PCDH7: variants seen among roughly 807,000 people sequenced by gnomAD.
The protein encoded by PCDH7 is protocadherin-7.
A neutral mutation model predicts 58.9 loss-of-function variants in PCDH7; 17 were observed. The observed-to-expected ratio is 0.29, with a 90% CI of 0.20 to 0.43. The LOEUF is 0.43. PCDH7 is among the 20% of genes least tolerant of loss of function. The pLI, the probability that PCDH7 is intolerant of heterozygous loss-of-function variation, is 1.00. For missense variants in PCDH7, 1,274 were observed against 1,441.0 expected (o/e 0.88, Z 1.88); for synonymous variants, 664 against 616.4 (o/e 1.08, Z -1.14).
At chr4:31,029,722 G>A (rs905718100) in intron 3 of PCDH7, among the ~76,000 whole-genome samples, 1 of 152,144 alleles carries the variant, frequency 6.6e-6, no homozygotes, top group African/African-American at 2.4e-5. Context: ...ACCAGATGAA[G>A]AATCCGGGCA....
chr4:30,898,155 G>GA (rs1429604077), intron 1 of PCDH7, among the ~76,000 whole-genome samples: 1 of 152,160 alleles, frequency 6.6e-6, no homozygotes, highest in Non-Finnish European at 1.5e-5. Flanking sequence ...GCCTCAGGGG[G>GA]AAAAACTGCA....
chr4:31,110,697 C>T (rs910322547), intron 3 of PCDH7, among the ~76,000 whole-genome samples: 1 of 151,928 alleles, frequency 6.6e-6, no homozygotes, highest in Non-Finnish European at 1.5e-5. Flanking sequence ...GGGTGGATCA[C>T]GAGGTCAGGA....
chr4:30,901,384 C>A (rs1027490866), intron 1 of PCDH7, among the ~76,000 whole-genome samples: 2 of 152,074 alleles, frequency 1.3e-5, no homozygotes, highest in South Asian at 4.2e-4. Flanking sequence ...GCAGCCAAGG[C>A]AGATTAAAAT....
At chr4:30,953,659 A>G (rs1041813997) in intron 3 of PCDH7, among the ~76,000 whole-genome samples, 1 of 152,160 alleles carries the variant, frequency 6.6e-6, no homozygotes, top group Non-Finnish European at 1.5e-5. Context: ...GTATATAAAT[A>G]AAATAAACAT....
At position 30,722,719 on chromosome 4, in the gene PCDH7, G is replaced by C. The variant is rs762262450; in HGVS notation, c.1297G>C (p.Ala433Pro). The change falls in exon 1 of 2, where the codon GCC becomes CCC. Residue 433 changes from alanine (A) to proline (P), a missense_variant. Ala to Pro is a conservative substitution (Grantham distance 27, BLOSUM62 -1). Transcript: ENST00000361762. This position sits in a 1 kb window ranked among gnomAD's most constrained non-coding sequence, Gnocchi z 7.6. The stretch of plus-strand genomic sequence containing the variant: ...CCTCAAGGACGGGGTGGCCAACGTG[G>C]CCGAGGACGTTCTGGTCGACACCCC... The C allele has an allele frequency of 2.5e-6, 4 of 1,613,522 alleles. No homozygotes were observed. In the Admixed American group the frequency reaches 6.7e-5, roughly 27 times the overall value.
intron 3 of PCDH7, among the ~76,000 whole-genome samples, chr4:31,037,367 G>A (rs1045466721): frequency 6.6e-6 from 1 of 152,088 alleles, no homozygotes; most frequent in Non-Finnish European, 1.5e-5. Context: ...GTTAAGCAGC[G>A]ATTACTTGCT....
chr4:31,037,268 G>C (rs760477758), intron 3 of PCDH7, among the ~76,000 whole-genome samples: 2 of 152,130 alleles, frequency 1.3e-5, no homozygotes, highest in Non-Finnish European at 2.9e-5. Flanking sequence ...TTGTTCATCT[G>C]TATGTTGGGA....
At chr4:30,747,785 C>T (rs955644658) in intron 1 of PCDH7, among the ~76,000 whole-genome samples, 1 of 152,174 alleles carries the variant, frequency 6.6e-6, no homozygotes, top group Non-Finnish European at 1.5e-5. Context: ...ATGTGGACAT[C>T]TTAGGGATCG....
intron 3 of PCDH7, among the ~76,000 whole-genome samples, chr4:31,072,324 G>C (rs41529648): frequency 6.6e-6 from 1 of 152,062 alleles, no homozygotes; most frequent in African/African-American, 2.4e-5. Context: ...ATCTAGAGGA[G>C]AGTGGTATAA....
intron 3 of PCDH7, among the ~76,000 whole-genome samples, chr4:31,020,774 A>G (rs1753961241): frequency 6.6e-6 from 1 of 152,190 alleles, no homozygotes; most frequent in African/African-American, 2.4e-5. Flanking sequence ...AGGCCTAATT[A>G]CTACTGTTCA....
intron 3 of PCDH7, among the ~76,000 whole-genome samples, chr4:31,091,591 T>G (rs1713257643): frequency 6.6e-6 from 1 of 151,846 alleles, no homozygotes; most frequent in Non-Finnish European, 1.5e-5. Context: ...GTATTTTGAA[T>G]GAACCATACT....
intron 3 of PCDH7, among the ~76,000 whole-genome samples, chr4:31,092,226 T>A (rs1352338865): frequency 6.6e-6 from 1 of 151,996 alleles, no homozygotes; most frequent in African/African-American, 2.4e-5. Context: ...CTCTTCCGTA[T>A]AAATATAAAA....
At chr4:30,984,900 G>A (rs1750842296) in intron 3 of PCDH7, among the ~76,000 whole-genome samples, 1 of 152,064 alleles carries the variant, frequency 6.6e-6, no homozygotes, top group African/African-American at 2.4e-5. Flanking sequence ...TGGGGCAAAG[G>A]CTAGATTAGT....
intron 3 of PCDH7, among the ~76,000 whole-genome samples, chr4:31,056,496 A>AGAAAGAAG (rs1757227179): frequency 7.5e-6 from 1 of 132,614 alleles, no homozygotes; most frequent in Non-Finnish European, 1.6e-5. Flanking sequence ...AAAGAAAGAA[A>AGAAAGAAG]GAAAGAAAGA....
At chr4:30,759,592 T>C (rs1339435212) in intron 1 of PCDH7, among the ~76,000 whole-genome samples, 4 of 152,164 alleles carry the variant, frequency 2.6e-5, no homozygotes, top group African/African-American at 9.7e-5. Context: ...GGTTTATCTT[T>C]GTGTGAAAAG....
intron 3 of PCDH7, among the ~76,000 whole-genome samples, chr4:30,974,490 G>A (rs1195320020): frequency 6.6e-6 from 1 of 151,760 alleles, no homozygotes; most frequent in East Asian, 1.9e-4. Context: ...CACCACACAA[G>A]CCTCTCATTT....
chr4:31,086,628 G>A (rs1712476833), intron 3 of PCDH7, among the ~76,000 whole-genome samples: 1 of 152,002 alleles, frequency 6.6e-6, no homozygotes. Context: ...AACTTCTGTG[G>A]GGATATTTAT....
At chr4:30,763,621 G>A (rs1483665699) in intron 1 of PCDH7, among the ~76,000 whole-genome samples, 1 of 152,170 alleles carries the variant, frequency 6.6e-6, no homozygotes, top group Non-Finnish European at 1.5e-5. Context: ...TAATCCCACA[G>A]TGCTCTGTTA....
chr4:31,116,236 C>T (rs1716969083), intron 3 of PCDH7, among the ~76,000 whole-genome samples: 1 of 152,294 alleles, frequency 6.6e-6, no homozygotes, highest in South Asian at 2.1e-4. Flanking sequence ...TACCTGAGCA[C>T]CCTTACAGCT....
Sources: allele counts gnomAD v4.1 joint callset (sites outside exome capture counted in the v4.1 genomes callset), GRCh38; gene constraint gnomAD v4.1.1; non-coding constraint Gnocchi (gnomAD v3.1); transcripts MANE v1.5; gene names NCBI Gene and HGNC (gene_info 2026-07-23, HGNC 2026-07-21).